Variants in ABCA13 observed in about 807,000 individuals in gnomAD.
ABCA13 encodes ATP-binding cassette sub-family A member 13.
A neutral mutation model predicts 478.7 loss-of-function variants in ABCA13; 476 were observed. The ratio of observed to expected loss-of-function variants is 0.99; its 90% confidence interval spans 0.92 to 1.07. The LOEUF is 1.07. ABCA13 is among the 50% of genes least tolerant of loss of function. The pLI is 0.00. For missense variants in ABCA13, 6,060 were observed against 5,910.6 expected (o/e 1.03, Z -0.83); for synonymous variants, 2,252 against 2,158.9 (o/e 1.04, Z -1.20).
intron 57 of ABCA13, among the ~76,000 whole-genome samples, chr7:48,593,382 T>G (rs1338454807): frequency 6.6e-6 from 1 of 151,818 alleles, no homozygotes; most frequent in Non-Finnish European, 1.5e-5. Context: ...TTATATCACA[T>G]TAAAAAAAAA....
intron 31 of ABCA13, among the ~76,000 whole-genome samples, chr7:48,364,675 G>A (rs539567127): frequency 5.5e-4 from 83 of 152,122 alleles, no homozygotes; most frequent in Middle Eastern, 6.8e-3. Flanking sequence ...GTCTTTCTGT[G>A]TCTGGCTTAT....
At chr7:48,240,751 A>G in intron 9 of ABCA13, 116 bp from the exon 10 acceptor site, 2 of 837,160 alleles carry the variant, frequency 2.4e-6, no homozygotes, top group Non-Finnish European at 1.6e-6. Context: ...TAATTTACCA[A>G]AAAATAAAGA....
At chr7:48,536,503 G>T (rs939415626) in intron 55 of ABCA13, among the ~76,000 whole-genome samples, 11 of 151,938 alleles carry the variant, frequency 7.2e-5, no homozygotes, top group Non-Finnish European at 1.5e-4. Flanking sequence ...CAAAAATTAC[G>T]TGGGCGTGGT....
intron 49 of ABCA13, among the ~76,000 whole-genome samples, chr7:48,506,723 C>T (rs1831244679): frequency 6.6e-6 from 1 of 152,170 alleles, no homozygotes; most frequent in Admixed American, 6.5e-5. Context: ...ATAAACATTG[C>T]ATTCATGTAC....
At position 48,274,902 on chromosome 7, in the gene ABCA13, G is replaced by A; in HGVS notation, c.5236G>A (p.Val1746Met). 1 of 1,613,956 alleles carries A rather than the reference G, an allele frequency of 6.2e-7. No homozygotes were observed. Among genetic ancestry groups the A allele is most frequent in the Non-Finnish European group, 8.5e-7 (1 of 1,179,856 alleles). Residue 1746 changes from valine (V) to methionine (M), a missense_variant, in exon 17 of 62, where the codon GTG (valine) becomes ATG (methionine). Around this residue, in one of 3 missense-constraint regions of ABCA13, gnomAD observed 4,423 missense variants for 4,309.1 expected, o/e 1.03. Coordinates refer to ENST00000435803, the MANE Select transcript of ABCA13 (RefSeq NM_152701.5). Reference protein sequence around the residue: ...PKDVVDAVIDVYYVLPHAVRL... With the variant: ...PKDVVDAVIDMYYVLPHAVRL... Reference sequence around the variant, plus strand: ...AGATGTTGTGGATGCTGTGATAGATGTGTACTATGTGCTTCCTCATGCTGT... The same window carrying A: ...AGATGTTGTGGATGCTGTGATAGATATGTACTATGTGCTTCCTCATGCTGT...
intron 3 of ABCA13, among the ~76,000 whole-genome samples, chr7:48,200,308 A>G (rs1268516263): frequency 6.6e-6 from 1 of 152,220 alleles, no homozygotes; most frequent in African/African-American, 2.4e-5. Context: ...GGGAAGTCGC[A>G]GTGAGCCAAG....
chr7:48,368,822 A>C (rs1475726148), intron 32 of ABCA13, among the ~76,000 whole-genome samples: 1 of 150,734 alleles, frequency 6.6e-6, no homozygotes, highest in African/African-American at 2.4e-5. Flanking sequence ...TCACTCATTG[A>C]TTGATGGGCA....
chr7:48,314,526 T>A, intron 26 of ABCA13, 117 bp downstream of exon 26: 2 of 963,378 alleles, frequency 2.1e-6, no homozygotes, highest in East Asian at 2.8e-5. Context: ...TGGCATAGAA[T>A]CTTCTGCTTC....
intron 58 of ABCA13, among the ~76,000 whole-genome samples, chr7:48,601,716 G>A (rs113019646): frequency 0.043 from 6,482 of 152,108 alleles, 442 homozygotes; most frequent in African/African-American, 0.15. Context: ...AGAATAATCT[G>A]TAATCCTTTG....
intron 48 of ABCA13, among the ~76,000 whole-genome samples, chr7:48,497,997 G>A (rs1405661702): frequency 6.6e-6 from 1 of 152,170 alleles, no homozygotes; most frequent in Non-Finnish European, 1.5e-5. Flanking sequence ...TAGATATGGA[G>A]GCTCAGCTCT....
intron 58 of ABCA13, among the ~76,000 whole-genome samples, chr7:48,606,366 T>G (rs1231589148): frequency 2.0e-5 from 3 of 152,138 alleles, no homozygotes; most frequent in African/African-American, 7.2e-5. Context: ...CTACCTTTGG[T>G]CTTTGATGTT....
intron 15 of ABCA13, among the ~76,000 whole-genome samples, chr7:48,257,447 T>C (rs1793561394): frequency 6.6e-6 from 1 of 152,168 alleles, no homozygotes; most frequent in Non-Finnish European, 1.5e-5. Flanking sequence ...TTTTCATCGA[T>C]GGGCTGTTAT....
At position 48,455,024 on chromosome 7, in the gene ABCA13, G is replaced by C; in HGVS notation, c.12566-13G>C. On this transcript the variant is annotated splice_polypyrimidine_tract_variant and intron_variant, in intron 42 of 61. Coordinates refer to ENST00000435803, the MANE Select transcript of ABCA13 (RefSeq NM_152701.5). The stretch of plus-strand genomic sequence containing the variant: ...AGCTGACCCAGCCGCCCTTCCTCCC[G>C]CCCGTCCTGCAGGTGGCTCCCTAGC... 8 of 1,483,976 alleles carry C rather than the reference G, an allele frequency of 5.4e-6. No individual in the cohort carries two copies. Among genetic ancestry groups the C allele is most frequent in the Non-Finnish European group, 7.2e-6 (8 of 1,118,142 alleles). 91.9% of individuals were successfully genotyped at this position (1,483,976 alleles called of 1,614,324 possible). A position where few individuals can be genotyped will look rare whatever the true frequency, so the allele number is the denominator to read the frequency against.
intron 27 of ABCA13, among the ~76,000 whole-genome samples, chr7:48,331,525 GGGC>G (rs1805402205): frequency 6.6e-6 from 1 of 152,072 alleles, no homozygotes. Flanking sequence ...TGTGGTCAGT[GGGC>G]ACCTCTTCAT....
chr7:48,314,905 C>T lies in ABCA13; in HGVS notation c.9859+496C>T, dbSNP rs184609659. ...CCACGATAGGTACAAATGAATATGT[C>T]ACGATAGGTACAAATGAATATGTCA... On this transcript the variant is annotated intron_variant, in intron 26 of 61. Transcript: ENST00000435803. Among the ~76,000 whole-genome samples the T allele has an allele frequency of 2.6e-5, 4 of 152,230 alleles. No homozygotes were observed. The East Asian group carries it at 7.7e-4, about 29-fold the overall frequency.
intron 58 of ABCA13, among the ~76,000 whole-genome samples, chr7:48,600,092 G>T (rs779311388): frequency 6.6e-6 from 1 of 151,890 alleles, no homozygotes; most frequent in Non-Finnish European, 1.5e-5. Context: ...CATATATTTG[G>T]AGTCTGTGTA....
At position 48,647,157 on chromosome 7, in the gene ABCA13, C is replaced by CT. The variant is rs1288854801; in HGVS notation, c.*1647dup. On this transcript the variant is annotated 3_prime_UTR_variant, in exon 62 of 62. Coordinates refer to ENST00000435803, the MANE Select transcript of ABCA13 (RefSeq NM_152701.5). ...GGTAGCTTGTGATCAAAGGCATATA[C>CT]TTCCTTATGAGATTTCTTTACTAAA... is the stretch of plus-strand genomic sequence containing the variant. 3.3e-5 allele frequency: 5 copies of CT among 152,216 alleles called. No homozygotes were observed. The highest frequency in any genetic ancestry group is 7.3e-5 in the Non-Finnish European group (5 of 68,032). The allele number at this position is 152,216 out of a possible 1,614,324, so 9.4% of individuals were successfully genotyped here.
chr7:48,297,297 T>C lies in ABCA13; in HGVS notation c.9185T>C (p.Phe3062Ser). The C allele has an allele frequency of 6.2e-7, 1 of 1,608,020 alleles. No individual in the cohort carries two copies. The highest frequency in any genetic ancestry group is 8.5e-7 in the Non-Finnish European group (1 of 1,177,080). Residue 3062 changes from phenylalanine to serine, a missense_variant, in exon 22 of 62, where the codon TTC (phenylalanine) becomes TCC (serine). This residue lies in a region of ABCA13 where 4,423 missense variants were observed against 4,309.1 expected (regional missense o/e 1.03). Transcript: ENST00000435803. ...CCCATCATGACTTTTCTCAGCAATT[T>C]CACAGTAACTGAGGGTAAGTATGTG... The part of the protein sequence containing the change: ...GNPIMTFLSN[F>S]TVTEDVKIKD...
intron 59 of ABCA13, among the ~76,000 whole-genome samples, chr7:48,632,307 A>G (rs1221356950): frequency 6.6e-6 from 1 of 152,042 alleles, no homozygotes. Context: ...ATCTATATCT[A>G]TATCTATCTT....
Sources: gnomAD v4.1 joint callset for allele counts (sites outside exome capture counted in the v4.1 genomes callset) on GRCh38, gnomAD v4.1.1 for gene constraint, gnomAD v4.1.1 regional missense constraint, MANE v1.5 for transcripts, NCBI Gene and HGNC (gene_info 2026-07-23, HGNC 2026-07-21) for gene names.